The following DIAPH3 variants were observed in gnomAD, a reference collection of about 807,000 sequenced individuals.
DIAPH3 encodes the protein diaphanous related formin 3.
In DIAPH3, 117 loss-of-function variants were observed where a neutral mutation model predicts 144.3. The observed-to-expected ratio is 0.81, with a 90% CI of 0.70 to 0.95. The LOEUF (loss-of-function observed/expected upper bound fraction) is 0.95. DIAPH3 is among the 40% of genes least tolerant of loss of function. DIAPH3 has a pLI of 0.00. For missense variants in DIAPH3, 1,421 were observed against 1,412.7 expected (o/e 1.01, Z -0.09); for synonymous variants, 519 against 488.9 (o/e 1.06, Z -0.81).
At chr13:59,681,911 AAAG>A in intron 27 of DIAPH3, among the ~76,000 whole-genome samples, 1 of 152,348 alleles carries the variant, frequency 6.6e-6, no homozygotes. Flanking sequence ...AAATGCTGTA[AAAG>A]AAGCAGGAAG....
chr13:59,792,340 T>A (rs920353174), intron 25 of DIAPH3, among the ~76,000 whole-genome samples: 3 of 152,188 alleles, frequency 2.0e-5, no homozygotes, highest in African/African-American at 7.2e-5. Context: ...CTGCCATCCC[T>A]CTGGGTCACT....
intron 21 of DIAPH3, among the ~76,000 whole-genome samples, chr13:59,871,627 A>G (rs1451913531): frequency 6.6e-6 from 1 of 152,242 alleles, no homozygotes; most frequent in Non-Finnish European, 1.5e-5. Context: ...GATGCATAGA[A>G]TTAAAAATTA....
intron 27 of DIAPH3, among the ~76,000 whole-genome samples, chr13:59,742,189 C>T (rs1203625344): frequency 2.0e-5 from 3 of 152,120 alleles, no homozygotes; most frequent in Non-Finnish European, 4.4e-5. Flanking sequence ...TTATCTCTAC[C>T]TGGCCCCACC....
chr13:59,774,174 A>T lies in DIAPH3; in HGVS notation c.3319+15T>A. 2 of 1,611,958 alleles carry T rather than the reference A, an allele frequency of 1.2e-6. No homozygotes were observed. The highest frequency in any genetic ancestry group is 1.7e-6 in the Non-Finnish European group (2 of 1,178,838). Reference sequence around the variant, plus strand: ...AGATAAGAAGAATGTGCAATTTATAAATACGGTTTATTACCATGGTTACAA... The same window carrying T: ...AGATAAGAAGAATGTGCAATTTATATATACGGTTTATTACCATGGTTACAA... On this transcript the variant is annotated intron_variant, in intron 27 of 27. Transcript: ENST00000400324.
intron 21 of DIAPH3, among the ~76,000 whole-genome samples, chr13:59,873,916 C>T (rs1424233858): frequency 1.3e-5 from 2 of 152,132 alleles, no homozygotes; most frequent in South Asian, 2.1e-4. Context: ...AGGTGATAGG[C>T]CCGCCTCAGC....
At chr13:59,972,577 C>T (rs1259079705) in intron 15 of DIAPH3, among the ~76,000 whole-genome samples, 1 of 152,150 alleles carries the variant, frequency 6.6e-6, no homozygotes, top group East Asian at 1.9e-4. Flanking sequence ...GAAGTTGAGG[C>T]CACAAATCAA....
At chr13:59,674,924 T>C (rs998580187) in intron 27 of DIAPH3, among the ~76,000 whole-genome samples, 3 of 152,236 alleles carry the variant, frequency 2.0e-5, no homozygotes. Flanking sequence ...AGCTAATAGA[T>C]ACCAGGTCAG....
chr13:59,944,494 A>T (rs974240432), intron 17 of DIAPH3, among the ~76,000 whole-genome samples: 5 of 152,278 alleles, frequency 3.3e-5, no homozygotes, highest in African/African-American at 1.2e-4. Flanking sequence ...ATATAGATGA[A>T]TCCAAAAGCT....
At chr13:59,868,633 A>G (rs1459783194) in intron 21 of DIAPH3, among the ~76,000 whole-genome samples, 1 of 152,166 alleles carries the variant, frequency 6.6e-6, no homozygotes, top group African/African-American at 2.4e-5. Flanking sequence ...GTGTCTTGAT[A>G]AACTCAGTGT....
chr13:59,954,185 ACTCCTTTCTAATAAT>A (rs2049254528), intron 17 of DIAPH3, among the ~76,000 whole-genome samples: 1 of 152,104 alleles, frequency 6.6e-6, no homozygotes, highest in African/African-American at 2.4e-5. Flanking sequence ...TTGATTTTCA[ACTCCTTTCTAATAAT>A]GCAACCTTGA....
At chr13:59,738,175 A>C (rs2036260222) in intron 27 of DIAPH3, among the ~76,000 whole-genome samples, 1 of 152,182 alleles carries the variant, frequency 6.6e-6, no homozygotes, top group South Asian at 2.1e-4. Context: ...TCAAAAAATA[A>C]AAAACAAAAT....
At chr13:59,972,229 T>G (rs1234896315) in intron 15 of DIAPH3, among the ~76,000 whole-genome samples, 4 of 152,136 alleles carry the variant, frequency 2.6e-5, no homozygotes, top group Admixed American at 1.3e-4. Context: ...AAGACTGCTT[T>G]GCAGAATCAA....
intron 27 of DIAPH3, among the ~76,000 whole-genome samples, chr13:59,747,168 T>C (rs1367169614): frequency 3.3e-5 from 5 of 151,898 alleles, no homozygotes; most frequent in Non-Finnish European, 7.4e-5. Flanking sequence ...ACAAATATAC[T>C]AAAAAATAAC....
intron 27 of DIAPH3, among the ~76,000 whole-genome samples, chr13:59,715,734 G>T (rs75487444): frequency 0.043 from 6,518 of 152,296 alleles, 232 homozygotes; most frequent in Admixed American, 0.1. Context: ...GGTGACACAA[G>T]ACCAGGTGTA....
At chr13:59,975,957 A>T (rs1226212667) in intron 14 of DIAPH3, among the ~76,000 whole-genome samples, 1 of 151,962 alleles carries the variant, frequency 6.6e-6, no homozygotes, top group East Asian at 1.9e-4. Context: ...AAAACAAGCC[A>T]TGCATGAGTC....
At chr13:60,119,373 C>G (rs552040570) in intron 2 of DIAPH3, among the ~76,000 whole-genome samples, 2 of 152,268 alleles carry the variant, frequency 1.3e-5, no homozygotes, top group East Asian at 3.9e-4. Context: ...AACATTTTTA[C>G]CGCAAACTCA....
intron 25 of DIAPH3, among the ~76,000 whole-genome samples, chr13:59,802,370 A>G (rs1160377464): frequency 6.6e-6 from 1 of 152,088 alleles, no homozygotes. Flanking sequence ...AAATATGCCT[A>G]AAGATTAAGT....
chr13:59,803,788 G>C (rs1426546102), intron 25 of DIAPH3, among the ~76,000 whole-genome samples: 1 of 152,150 alleles, frequency 6.6e-6, no homozygotes, highest in African/African-American at 2.4e-5. Context: ...TCCAGTGAAA[G>C]AGATGCCTGC....
intron 21 of DIAPH3, among the ~76,000 whole-genome samples, chr13:59,873,311 G>A (rs1303633512): frequency 6.6e-6 from 1 of 151,492 alleles, no homozygotes; most frequent in Non-Finnish European, 1.5e-5. Context: ...TGGAACAATG[G>A]ATTTGTTCGG....
Sources: gnomAD v4.1 joint callset for allele counts (sites outside exome capture counted in the v4.1 genomes callset) on GRCh38, gnomAD v4.1.1 for gene constraint, MANE v1.5 for transcripts, NCBI Gene and HGNC (gene_info 2026-07-23, HGNC 2026-07-21) for gene names.